The following ZMAT3 variants were observed in gnomAD, a reference collection of about 807,000 sequenced individuals.
The protein encoded by ZMAT3 is zinc finger matrin-type protein 3.
In ZMAT3, 17 loss-of-function variants were observed where a neutral mutation model predicts 32.3. The observed-to-expected ratio is 0.53, with a 90% CI of 0.36 to 0.79. ZMAT3 has a LOEUF of 0.79. Among genes scored for constraint, ZMAT3 ranks in the 30% least tolerant of loss-of-function variants. The pLI is 0.00. For missense variants in ZMAT3, 329 were observed against 359.7 expected (o/e 0.91, Z 0.69); for synonymous variants, 120 against 133.1 (o/e 0.90, Z 0.68).
intron 2 of ZMAT3, among the ~76,000 whole-genome samples, chr3:179,031,369 TG>T (rs1337476963): frequency 1.3e-5 from 2 of 151,734 alleles, no homozygotes; most frequent in Non-Finnish European, 1.5e-5. Context: ...TGTGTCAAAC[TG>T]AGTTAATCAA....
chr3:179,026,668 G>A (rs1213921126), intron 5 of ZMAT3, among the ~76,000 whole-genome samples: 6 of 152,118 alleles, frequency 3.9e-5, no homozygotes, highest in Non-Finnish European at 7.4e-5. Flanking sequence ...TTACACGCAC[G>A]AGCCACAGGA....
intron 2 of ZMAT3, among the ~76,000 whole-genome samples, chr3:179,042,248 A>C (rs1345603116): frequency 6.6e-6 from 1 of 152,174 alleles, no homozygotes; most frequent in Non-Finnish European, 1.5e-5. Flanking sequence ...CCCGACACCA[A>C]AGCCTGGAAG....
chr3:179,064,794 T>G (rs145908136), intron 2 of ZMAT3, among the ~76,000 whole-genome samples: 1 of 152,318 alleles, frequency 6.6e-6, no homozygotes, highest in Non-Finnish European at 1.5e-5. Context: ...CACCCTCTGA[T>G]GCATCTTTTT....
At chr3:179,044,126 A>C (rs1333571590) in intron 2 of ZMAT3, among the ~76,000 whole-genome samples, 2 of 152,248 alleles carry the variant, frequency 1.3e-5, no homozygotes, top group Non-Finnish European at 2.9e-5. Flanking sequence ...TGTTGGTGGG[A>C]GTGTAAATTA....
At chr3:179,061,482 ACAGTGGGTTT>A (rs1300999246) in intron 2 of ZMAT3, among the ~76,000 whole-genome samples, 6 of 152,214 alleles carry the variant, frequency 3.9e-5, no homozygotes, top group African/African-American at 1.4e-4. Context: ...GAATCAGAAA[ACAGTGGGTTT>A]CATGAAGATA....
chr3:179,031,921 AAAACTCT>A (rs1560085512), intron 2 of ZMAT3, among the ~76,000 whole-genome samples: 6 of 92,464 alleles, frequency 6.5e-5, no homozygotes, highest in Admixed American at 1.1e-4. Flanking sequence ...AAAAAAAAAA[AAAACTCT>A]CCCTCTCCCT....
intron 2 of ZMAT3, among the ~76,000 whole-genome samples, chr3:179,052,516 G>A (rs527412801): frequency 9.5e-4 from 144 of 152,282 alleles, no homozygotes; most frequent in African/African-American, 3.1e-3. Context: ...CATGGATGTG[G>A]TCAAAAGGGA....
In ZMAT3 at chr3:179,018,782, T is replaced by C. The variant is rs577246131; in HGVS notation, c.*6235A>G. 1 of 152,312 alleles carries C rather than the reference T, an allele frequency of 6.6e-6. No homozygotes were observed. The highest frequency in any genetic ancestry group is 6.5e-5 in the Admixed American group (1 of 15,292). 9.4% of individuals were successfully genotyped at this position (152,312 alleles called of 1,614,324 possible). A position where few individuals can be genotyped will look rare whatever the true frequency, so the allele number is the denominator to read the frequency against. ...TTCAACAACTCATTGTACAGTACAATCATTTTTAATTCTGCTAATTATAGC... is the reference window on the plus strand; with the variant it reads ...TTCAACAACTCATTGTACAGTACAACCATTTTTAATTCTGCTAATTATAGC... On this transcript the variant is annotated 3_prime_UTR_variant, in exon 6 of 6. Coordinates refer to ENST00000311417, the MANE Select transcript of ZMAT3 (RefSeq NM_022470.4).
At chr3:179,027,957 A>G (rs916759410) in intron 3 of ZMAT3, 145 bp from the exon 4 acceptor site, 1 of 828,786 alleles carries the variant, frequency 1.2e-6, no homozygotes, top group East Asian at 2.8e-5. Flanking sequence ...AAATAATTCA[A>G]TCCAGGAAAA....
chr3:179,024,136 A>AG lies in ZMAT3; in HGVS notation c.*880dup, dbSNP rs1197088913. 6.6e-6 allele frequency: 1 copy of AG among 152,046 alleles called. No individual in the cohort carries two copies. The highest frequency in any genetic ancestry group is 1.5e-5 in the Non-Finnish European group (1 of 68,030). The allele number at this position is 152,046 out of a possible 1,614,324, so 9.4% of individuals were successfully genotyped here. On this transcript the variant is annotated 3_prime_UTR_variant, in exon 6 of 6. Coordinates refer to ENST00000311417, the MANE Select transcript of ZMAT3 (RefSeq NM_022470.4). The stretch of plus-strand genomic sequence containing the variant: ...GCTTGTTAGACAAGCTGATTCAACT[A>AG]GGGGGGAAAAAAGAGGAGGGAAGAA...
Position 179,017,944 on chromosome 3 carries a change from C to T in ZMAT3, c.*7073G>A, listed in dbSNP as rs1377749614. The T allele has an allele frequency of 6.6e-6, 1 of 152,098 alleles. No individual in the cohort carries two copies. Among genetic ancestry groups the T allele is most frequent in the Non-Finnish European group, 1.5e-5 (1 of 68,018 alleles). 9.4% of individuals were successfully genotyped at this position (152,098 alleles called of 1,614,324 possible). A position where few individuals can be genotyped will look rare whatever the true frequency, so the allele number is the denominator to read the frequency against. ...CCCAAACTAAATCATTATGGTCAGT[C>T]AAGGATACCACAGGTGAACACCAAG... is the stretch of plus-strand genomic sequence containing the variant. On this transcript the variant is annotated 3_prime_UTR_variant, in exon 6 of 6. Transcript: ENST00000311417.
At chr3:179,039,634 C>A (rs369946103) in intron 2 of ZMAT3, among the ~76,000 whole-genome samples, 29 of 152,264 alleles carry the variant, frequency 1.9e-4, no homozygotes, top group African/African-American at 7.0e-4. Flanking sequence ...GAAACCAGAG[C>A]AGAAAAGCTG....
At position 179,034,698 on chromosome 3, in the gene ZMAT3, T is replaced by C. The variant is rs140731021; in HGVS notation, c.271-3699A>G. On this transcript the variant is annotated intron_variant, in intron 2 of 5. Coordinates refer to ENST00000311417, the MANE Select transcript of ZMAT3 (RefSeq NM_022470.4). ...AAAACAACTTTTGATTCCTCCTCCA[T>C]AGAACTTTCTCATCACCACCATCAC... Among the ~76,000 whole-genome samples, 662 of 152,272 alleles carry C rather than the reference T, an allele frequency of 4.3e-3. 3 individuals carry two copies. Among genetic ancestry groups the C allele is most frequent in the Non-Finnish European group, 7.3e-3 (494 of 68,014 alleles).
intron 2 of ZMAT3, among the ~76,000 whole-genome samples, chr3:179,056,134 C>T (rs1274442809): frequency 1.3e-5 from 2 of 152,190 alleles, no homozygotes; most frequent in Non-Finnish European, 2.9e-5. Context: ...CTCCCTGTCA[C>T]CTGACTCTAT....
At chr3:179,049,934 G>A (rs528592727) in intron 2 of ZMAT3, among the ~76,000 whole-genome samples, 29 of 123,100 alleles carry the variant, frequency 2.4e-4, no homozygotes, top group African/African-American at 8.9e-4. Context: ...AGAGCTGGCA[G>A]TAAGACAAGA....
In ZMAT3 at chr3:179,046,492, C is replaced by G. The variant is rs1453804786; in HGVS notation, c.271-15493G>C. The stretch of plus-strand genomic sequence containing the variant: ...CTACAGCAGGAACATACCAGGAAAG[C>G]GGAGGGTATTCACAGGCCCTTTGAA... On this transcript the variant is annotated intron_variant, in intron 2 of 5. Transcript: ENST00000311417. This position sits in a 1 kb window ranked among gnomAD's most constrained non-coding sequence, Gnocchi z 4.3. 6.6e-6 allele frequency among the ~76,000 whole-genome samples: 1 copy of G among 152,144 alleles called. No individual in the cohort carries two copies. Among genetic ancestry groups the G allele is most frequent in the African/African-American group, 2.4e-5 (1 of 41,424 alleles).
intron 2 of ZMAT3, among the ~76,000 whole-genome samples, chr3:179,032,852 C>A (rs1052385753): frequency 7.9e-5 from 12 of 151,776 alleles, no homozygotes; most frequent in Admixed American, 3.3e-4. Context: ...CCGGCAGCCA[C>A]CCCATCCAGG....
At chr3:179,051,917 T>C (rs1178999325) in intron 2 of ZMAT3, among the ~76,000 whole-genome samples, 1 of 151,742 alleles carries the variant, frequency 6.6e-6, no homozygotes, top group African/African-American at 2.4e-5. Context: ...AACAAAAACA[T>C]AAAGTGGGGA....
At chr3:179,052,394 A>C (rs1470017975) in intron 2 of ZMAT3, among the ~76,000 whole-genome samples, 3 of 152,242 alleles carry the variant, frequency 2.0e-5, no homozygotes, top group Non-Finnish European at 4.4e-5. Context: ...TATGAAAAAA[A>C]TGCTCAACAT....
Sources: gnomAD v4.1 joint callset for allele counts (sites outside exome capture counted in the v4.1 genomes callset) on GRCh38, gnomAD v4.1.1 for gene constraint, Gnocchi (gnomAD v3.1) non-coding constraint, MANE v1.5 for transcripts, NCBI Gene and HGNC (gene_info 2026-07-23, HGNC 2026-07-21) for gene names.